SLC18A2: variants seen among roughly 807,000 people sequenced by gnomAD.
SLC18A2 encodes the protein synaptic vesicular amine transporter.
Under a neutral mutation model 59.2 loss-of-function variants are expected in SLC18A2, and 33 were observed. That is an observed-to-expected ratio of 0.56 (90% CI 0.42 to 0.75). The LOEUF is 0.75. Ranked by LOEUF, SLC18A2 falls within the 30% of genes least tolerant of loss-of-function variation. The pLI, the probability that SLC18A2 is intolerant of heterozygous loss-of-function variation, is 0.00. For missense variants in SLC18A2, 569 were observed against 668.6 expected (o/e 0.85, Z 1.64); for synonymous variants, 228 against 253.5 (o/e 0.90, Z 0.95).
chr10:117,264,583 G>A (rs193277543), intron 10 of SLC18A2, among the ~76,000 whole-genome samples: 1 of 152,288 alleles, frequency 6.6e-6, no homozygotes, highest in East Asian at 1.9e-4. Flanking sequence ...CCTTCTAGAT[G>A]GAGTCTGGGC....
intron 15 of SLC18A2, among the ~76,000 whole-genome samples, chr10:117,271,805 G>A (rs776107528): frequency 2.0e-5 from 3 of 152,148 alleles, no homozygotes; most frequent in Admixed American, 6.5e-5. Context: ...ATACCTTGCC[G>A]AAATGGAGTC....
chr10:117,241,537 G>A (rs1844052094), intron 1 of SLC18A2, 142 bp from the exon 2 acceptor site: 2 of 881,250 alleles, frequency 2.3e-6, no homozygotes, highest in African/African-American at 3.6e-5. Flanking sequence ...GCTCGAGGCA[G>A]GTGAGCCGAG....
At chr10:117,243,844 C>T in intron 2 of SLC18A2, 127 bp from the exon 3 acceptor site, 2 of 731,702 alleles carry the variant, frequency 2.7e-6, no homozygotes, top group Non-Finnish European at 4.4e-6. Context: ...CCTCAGCTTC[C>T]CAAAGTCCTG....
Position 117,270,087 on chromosome 10 carries a change from A to G in SLC18A2, c.1203A>G (p.Ser401=), listed in dbSNP as rs771426506. 3.1e-6 allele frequency: 5 copies of G among 1,614,184 alleles called. No homozygotes were observed. The highest frequency in any genetic ancestry group is 3.3e-5 in the Admixed American group (2 of 60,034). ...TGTCTTCAGGAATGGTGGATTCGTC[A>G]ATGATGCCTATCATGGGCTACCTCG... The part of the protein sequence containing the change: ...VGFAIGMVDS[S]MMPIMGYLVD... Residue 401 remains serine, a synonymous_variant, in exon 14 of 16, where the codon TCA becomes TCG. Coordinates refer to ENST00000644641, the MANE Select transcript of SLC18A2 (RefSeq NM_003054.6).
chr10:117,245,727 T>G (rs1844104095), intron 3 of SLC18A2, among the ~76,000 whole-genome samples: 1 of 144,680 alleles, frequency 6.9e-6, no homozygotes, highest in Non-Finnish European at 1.5e-5. Context: ...CACCGAGAGG[T>G]GAGGAAGCCT....
chr10:117,260,352 G>A (rs965053607), intron 10 of SLC18A2, among the ~76,000 whole-genome samples: 5 of 152,220 alleles, frequency 3.3e-5, no homozygotes, highest in Admixed American at 6.5e-5. Context: ...CTTTCTGGCT[G>A]TGAGGCACAA....
intron 3 of SLC18A2, among the ~76,000 whole-genome samples, chr10:117,250,059 G>T (rs1311581535): frequency 6.6e-6 from 1 of 152,166 alleles, no homozygotes; most frequent in Non-Finnish European, 1.5e-5. Context: ...AAAGGGTTTG[G>T]TCCTTCTGCC....
At chr10:117,267,177 T>A in intron 12 of SLC18A2, 142 bp downstream of exon 12, 1 of 664,214 alleles carries the variant, frequency 1.5e-6, no homozygotes, top group Non-Finnish European at 2.6e-6. Flanking sequence ...TTTTTTATCA[T>A]CTTAAAAATG....
chr10:117,267,354 A>C (rs998325536), intron 12 of SLC18A2: 2 of 443,362 alleles, frequency 4.5e-6, no homozygotes, highest in Admixed American at 3.9e-5. Context: ...TTTCTAGAAT[A>C]AAATCTCTTC....
intron 10 of SLC18A2, among the ~76,000 whole-genome samples, chr10:117,259,702 G>A (rs1366833126): frequency 6.6e-6 from 1 of 152,210 alleles, no homozygotes; most frequent in Non-Finnish European, 1.5e-5. Context: ...GTTGCTGTGG[G>A]GGAGGCCAGT....
At chr10:117,244,400 G>GA in intron 3 of SLC18A2, 87 bp downstream of exon 3, 3 of 1,251,222 alleles carry the variant, frequency 2.4e-6, no homozygotes, top group Non-Finnish European at 2.2e-6. Context: ...CTTACTCATT[G>GA]GTGAGAGTCT....
chr10:117,241,991 G>A (rs1844061342), intron 2 of SLC18A2, 177 bp downstream of exon 2: 1 of 545,724 alleles, frequency 1.8e-6, no homozygotes, highest in Non-Finnish European at 3.1e-6. Context: ...GAGGAGCCGC[G>A]TTGTGTGGCT....
chr10:117,250,135 G>A (rs1357756490), intron 3 of SLC18A2, among the ~76,000 whole-genome samples: 2 of 152,192 alleles, frequency 1.3e-5, no homozygotes, highest in Non-Finnish European at 2.9e-5. Flanking sequence ...GGGGCCAGAA[G>A]AGTTTGAGAA....
chr10:117,274,154 T>C (rs1366222764), intron 15 of SLC18A2, among the ~76,000 whole-genome samples: 4 of 152,240 alleles, frequency 2.6e-5, no homozygotes, highest in African/African-American at 9.6e-5. Context: ...CTTATTTGTG[T>C]ATAACTTTTT....
intron 3 of SLC18A2, among the ~76,000 whole-genome samples, chr10:117,250,473 A>G (rs1402338126): frequency 6.6e-6 from 1 of 152,172 alleles, no homozygotes; most frequent in Non-Finnish European, 1.5e-5. Context: ...TTAAAATCCC[A>G]AAGAAAATTA....
intron 15 of SLC18A2, among the ~76,000 whole-genome samples, chr10:117,272,765 T>C (rs1195543089): frequency 6.6e-6 from 1 of 152,152 alleles, no homozygotes; most frequent in African/African-American, 2.4e-5. Context: ...AGGCATCACA[T>C]TGGATGCCAT....
intron 3 of SLC18A2, among the ~76,000 whole-genome samples, chr10:117,246,302 A>G (rs556338929): frequency 6.6e-6 from 1 of 152,340 alleles, no homozygotes; most frequent in Non-Finnish European, 1.5e-5. Context: ...GAGTACTCCA[A>G]TCTTCCAAAC....
In SLC18A2 at chr10:117,277,242, A is replaced by C; in HGVS notation, c.1521A>C (p.Glu507Asp). 1 of 1,608,366 alleles carries C rather than the reference A, an allele frequency of 6.2e-7. No homozygotes were observed. ...ATATCCAGTCATATCCGATAGGTGA[A>C]GATGAAGAATCTGAAAGTGACTGAG... ...QNNIQSYPIG[E>D]DEESESD The change falls in exon 16 of 16, where the codon GAA becomes GAC. Residue 507 changes from glutamate to aspartate, a missense_variant. Glu to Asp is a conservative substitution (Grantham distance 45, BLOSUM62 2). Coordinates refer to ENST00000644641, the MANE Select transcript of SLC18A2 (RefSeq NM_003054.6).
intron 10 of SLC18A2, among the ~76,000 whole-genome samples, chr10:117,260,296 G>A (rs905814293): frequency 2.6e-5 from 4 of 152,234 alleles, no homozygotes; most frequent in Non-Finnish European, 5.9e-5. Context: ...CATGTTGACA[G>A]CCTCTGCTTT....
Sources: gnomAD v4.1 joint callset for allele counts (sites outside exome capture counted in the v4.1 genomes callset) on GRCh38, gnomAD v4.1.1 for gene constraint, MANE v1.5 for transcripts, NCBI Gene and HGNC (gene_info 2026-07-23, HGNC 2026-07-21) for gene names.